Variants in KCND3 observed in about 807,000 individuals in gnomAD.
The protein encoded by KCND3 is A-type voltage-gated potassium channel KCND3.
Under a neutral mutation model 51.1 loss-of-function variants are expected in KCND3, and 9 were observed. The ratio of observed to expected loss-of-function variants is 0.18; its 90% CI spans 0.11 to 0.31. KCND3 has a LOEUF of 0.31. Ranked by LOEUF, KCND3 falls within the 10% of genes least tolerant of loss-of-function variation. The pLI is 1.00. For missense variants in KCND3, 526 were observed against 903.8 expected, an observed-to-expected ratio of 0.58 and a Z score of 5.36; for synonymous variants, 349 against 368.0, an observed-to-expected ratio of 0.95 and a Z score of 0.59.
intron 1 of KCND3, among the ~76,000 whole-genome samples, chr1:111,984,367 C>T (rs1675144980): frequency 6.6e-6 from 1 of 152,216 alleles, no homozygotes; most frequent in Non-Finnish European, 1.5e-5. Flanking sequence ...TTGTAAAAAG[C>T]TGCTGTTCGC....
rs57060111 is a variant in KCND3, at chr1:111,896,509, G to A, written c.1106+85112C>T. Among the ~76,000 whole-genome samples, 432 of 152,306 alleles carry A rather than the reference G, an allele frequency of 2.8e-3. 2 individuals carry two copies. The highest frequency in any genetic ancestry group is 9.6e-3 in the African/African-American group (399 of 41,548). ...TGGACATGGTGCTGACAGAAACTAC[G>A]CAGTGCCATCTGGACCCAACAGAAC... On this transcript the variant is annotated intron_variant, in intron 2 of 7. Coordinates refer to ENST00000302127, the MANE Select transcript of KCND3 (RefSeq NM_001378969.1).
At chr1:111,857,743 G>A (rs751887840) in intron 2 of KCND3, among the ~76,000 whole-genome samples, 1 of 151,528 alleles carries the variant, frequency 6.6e-6, no homozygotes, top group Non-Finnish European at 1.5e-5. Context: ...CTGCCTCTGG[G>A]AGGCATCCTC....
chr1:111,881,294 G>A (rs778270846), intron 2 of KCND3, among the ~76,000 whole-genome samples: 1 of 152,162 alleles, frequency 6.6e-6, no homozygotes, highest in Non-Finnish European at 1.5e-5. Context: ...GAGCACAGGC[G>A]TGAGCTCCTC....
At chr1:111,913,550 C>T (rs958438127) in intron 2 of KCND3, among the ~76,000 whole-genome samples, 5 of 152,156 alleles carry the variant, frequency 3.3e-5, no homozygotes, top group African/African-American at 9.7e-5. Flanking sequence ...AAGTCCAACA[C>T]CCTTTAAAGG....
chr1:111,782,690 C>T (rs1664436394), intron 3 of KCND3, among the ~76,000 whole-genome samples: 2 of 152,224 alleles, frequency 1.3e-5, no homozygotes, highest in East Asian at 1.9e-4. Context: ...GGAGCCAGAC[C>T]GTTCTTGTAT....
intron 2 of KCND3, among the ~76,000 whole-genome samples, chr1:111,945,301 T>C (rs564096317): frequency 1.3e-5 from 2 of 152,092 alleles, no homozygotes; most frequent in African/African-American, 2.4e-5. Flanking sequence ...CAGGAGGGGT[T>C]TCATGGAAGA....
At chr1:111,781,957 G>C (rs1664407475) in intron 3 of KCND3, among the ~76,000 whole-genome samples, 1 of 152,194 alleles carries the variant, frequency 6.6e-6, no homozygotes, top group Non-Finnish European at 1.5e-5. Context: ...AATGCAGCTT[G>C]AGGTTTGGGC....
intron 2 of KCND3, among the ~76,000 whole-genome samples, chr1:111,809,518 C>T (rs963871450): frequency 6.6e-6 from 1 of 152,108 alleles, no homozygotes; most frequent in African/African-American, 2.4e-5. Flanking sequence ...CCATGTTAGC[C>T]AGGATGGTCT....
Position 111,843,192 on chromosome 1 carries a change from C to T in KCND3, c.1107-56086G>A, listed in dbSNP as rs1296317939. Among the ~76,000 whole-genome samples, 4 of 152,204 alleles carry T rather than the reference C, an allele frequency of 2.6e-5. 1 individual carries two copies. The highest frequency in any genetic ancestry group is 4.8e-5 in the African/African-American group (2 of 41,504). On this transcript the variant is annotated intron_variant, in intron 2 of 7. Coordinates refer to ENST00000302127, the MANE Select transcript of KCND3 (RefSeq NM_001378969.1). ...TGGATGAGAGAATCAGAACAGTCTC[C>T]GGAGTTTGGGGTTTCCATAGCAAGG... is the stretch of plus-strand genomic sequence containing the variant.
At position 111,774,988 on chromosome 1, in the gene KCND3, T is replaced by G. The variant is rs1664049325; in HGVS notation, c.*1089A>C. On this transcript the variant is annotated 3_prime_UTR_variant, in exon 8 of 8. Coordinates refer to ENST00000302127, the MANE Select transcript of KCND3 (RefSeq NM_001378969.1). Reference sequence around the variant, plus strand: ...CGTCTCAGGTGTTGGCGATTTGCCTTTTCAAGATTCCAGTGTGATAAATCT... The same window carrying G: ...CGTCTCAGGTGTTGGCGATTTGCCTGTTCAAGATTCCAGTGTGATAAATCT... 1 of 152,208 alleles carries G rather than the reference T, an allele frequency of 6.6e-6. No homozygotes were observed. Among genetic ancestry groups the G allele is most frequent in the Admixed American group, 6.5e-5 (1 of 15,278 alleles). 9.4% of individuals were successfully genotyped at this position (152,208 alleles called of 1,614,324 possible). A position where few individuals can be genotyped will look rare whatever the true frequency, so the allele number is the denominator to read the frequency against.
chr1:111,966,209 T>G (rs1673977095), intron 2 of KCND3, among the ~76,000 whole-genome samples: 1 of 152,190 alleles, frequency 6.6e-6, no homozygotes, highest in East Asian at 1.9e-4. Context: ...AATGGTTGGT[T>G]TCATTCAAAT....
intron 2 of KCND3, among the ~76,000 whole-genome samples, chr1:111,971,550 C>T (rs181499613): frequency 4.0e-5 from 6 of 151,772 alleles, no homozygotes; most frequent in African/African-American, 1.4e-4. Context: ...TCTTCCCTCC[C>T]TTCATCTTTC....
intron 2 of KCND3, among the ~76,000 whole-genome samples, chr1:111,789,278 A>G (rs1400590895): frequency 6.6e-6 from 1 of 152,268 alleles, no homozygotes; most frequent in Non-Finnish European, 1.5e-5. Context: ...GTGACAGATG[A>G]CAGTGAGAAA....
At chr1:111,868,312 A>C (rs924666730) in intron 2 of KCND3, among the ~76,000 whole-genome samples, 32 of 152,192 alleles carry the variant, frequency 2.1e-4, no homozygotes, top group African/African-American at 7.5e-4. Flanking sequence ...CCAGTTAGTC[A>C]TTTAGCAGCC....
chr1:111,818,068 AC>A (rs1476395228), intron 2 of KCND3, among the ~76,000 whole-genome samples: 3 of 151,730 alleles, frequency 2.0e-5, no homozygotes, highest in East Asian at 1.9e-4. Flanking sequence ...ACACACACAC[AC>A]ACACACACAG....
intron 2 of KCND3, among the ~76,000 whole-genome samples, chr1:111,886,073 T>C (rs2101749698): frequency 6.6e-6 from 1 of 152,316 alleles, no homozygotes; most frequent in Middle Eastern, 3.4e-3. Context: ...TGCAATGCAA[T>C]TGAACAGATG....
In KCND3 at chr1:111,867,817, A is replaced by G. The variant is rs527735063; in HGVS notation, c.1107-80711T>C. On this transcript the variant is annotated intron_variant, in intron 2 of 7. Coordinates refer to ENST00000302127, the MANE Select transcript of KCND3 (RefSeq NM_001378969.1). ...AAGAAACCCTTCTGAGCACAGTGAA[A>G]ATCCTAGCAATGTATAAGACATAGT... Among the ~76,000 whole-genome samples the G allele has an allele frequency of 9.5e-4, 145 of 152,336 alleles. 1 individual carries two copies. The highest frequency in any genetic ancestry group is 3.4e-3 in the African/African-American group (143 of 41,572).
At chr1:111,798,495 A>T (rs1665156901) in intron 2 of KCND3, among the ~76,000 whole-genome samples, 1 of 152,058 alleles carries the variant, frequency 6.6e-6, no homozygotes, top group Non-Finnish European at 1.5e-5. Flanking sequence ...GAGCAATCTG[A>T]GGACAGGGCT....
chr1:111,960,159 T>C (rs996606623), intron 2 of KCND3, among the ~76,000 whole-genome samples: 2 of 152,204 alleles, frequency 1.3e-5, no homozygotes, highest in African/African-American at 4.8e-5. Context: ...AGTGTGTCTT[T>C]ATTAGCAGCA....
Sources: allele counts gnomAD v4.1 joint callset (sites outside exome capture counted in the v4.1 genomes callset), GRCh38; gene constraint gnomAD v4.1.1; transcripts MANE v1.5; gene names NCBI Gene and HGNC (gene_info 2026-07-23, HGNC 2026-07-21).